PRKCG: variants seen among roughly 807,000 people sequenced by gnomAD.
PRKCG encodes the protein protein kinase C gamma type.
A neutral mutation model predicts 82.0 loss-of-function variants in PRKCG; 28 were observed. The ratio of observed to expected loss-of-function variants is 0.34; its 90% CI spans 0.25 to 0.47. The LOEUF (loss-of-function observed/expected upper bound fraction) is 0.47. PRKCG is among the 20% of genes least tolerant of loss of function. PRKCG has a pLI of 1.00. For missense variants in PRKCG, 640 were observed against 952.7 expected (o/e 0.67, Z 4.32); for synonymous variants, 383 against 376.6 (o/e 1.02, Z -0.20).
intron 3 of PRKCG, among the ~76,000 whole-genome samples, chr19:53,887,157 G>A (rs1391972464): frequency 2.6e-5 from 4 of 151,874 alleles, no homozygotes; most frequent in African/African-American, 9.7e-5. Flanking sequence ...CTGCAGTCTT[G>A]ACCTCCGGGG....
At position 53,884,074 on chromosome 19, in the gene PRKCG, C is replaced by T; in HGVS notation, c.203-87C>T. ...TGGTTTTCTCAGTGTCCGAGTTCCG[C>T]TCTCTCTTTCCAATTTTCTGTCTGC... On this transcript the variant is annotated intron_variant, in intron 2 of 17. Coordinates refer to ENST00000263431, the MANE Select transcript of PRKCG (RefSeq NM_002739.5). The surrounding 1 kb of genome is among the most constrained non-coding windows in gnomAD (Gnocchi z 4.6). 2 of 1,316,362 alleles carry T rather than the reference C, an allele frequency of 1.5e-6. No homozygotes were observed. Among genetic ancestry groups the T allele is most frequent in the South Asian group, 2.4e-5 (2 of 84,674 alleles). The allele number at this position is 1,316,362 out of a possible 1,614,324, so 81.5% of individuals were successfully genotyped here.
Position 53,892,758 on chromosome 19 carries a change from ACACACACACACACACACACACACG to A in PRKCG, c.821+125_821+148del. On this transcript the variant is annotated intron_variant, in intron 7 of 17. Coordinates refer to ENST00000263431, the MANE Select transcript of PRKCG (RefSeq NM_002739.5). This position sits in a 1 kb window ranked among gnomAD's most constrained non-coding sequence, Gnocchi z 5.9. ...CCTCTGCCTCCCAGCATGCGCACAC[ACACACACACACACACACACACACG>A]CACACACACGCACACACCCCTCTCT... 1 of 1,114,666 alleles carries A rather than the reference ACACACACACACACACACACACACG, an allele frequency of 9.0e-7. No individual in the cohort carries two copies. 69.0% of individuals were successfully genotyped at this position (1,114,666 alleles called of 1,614,324 possible).
At chr19:53,881,691 G>C (rs1393046632), upstream of PRKCG, 1 of 152,534 alleles carries the variant, frequency 6.6e-6, no homozygotes, top group Non-Finnish European at 1.5e-5. Context: ...GATCCACTGA[G>C]AGGCAGAAAC....
chr19:53,898,949 G>T (rs1599950460), intron 11 of PRKCG, among the ~76,000 whole-genome samples: 2 of 124,046 alleles, frequency 1.6e-5, no homozygotes, highest in South Asian at 3.0e-4. Flanking sequence ...TCTTCGCGGG[G>T]CGTGGTCAGG....
At position 53,898,240 on chromosome 19, in the gene PRKCG, C is replaced by T. The variant is rs118050662; in HGVS notation, c.1092+129C>T. On this transcript the variant is annotated intron_variant, in intron 10 of 17. Coordinates refer to ENST00000263431, the MANE Select transcript of PRKCG (RefSeq NM_002739.5). ...ATCTTCAAATATGGTTAGGTTGGGCCGTTCAGGTTCCTGGAGAGGAGAGGT... is the reference window on the plus strand; with the variant it reads ...ATCTTCAAATATGGTTAGGTTGGGCTGTTCAGGTTCCTGGAGAGGAGAGGT... 22,469 of 1,437,440 alleles carry T rather than the reference C, an allele frequency of 0.016. 224 individuals carry two copies. The highest frequency in any genetic ancestry group is 0.019 in the Non-Finnish European group (19,792 of 1,044,188). The allele number at this position is 1,437,440 out of a possible 1,614,324, so 89.0% of individuals were successfully genotyped here.
chr19:53,905,406 C>A, intron 16 of PRKCG, among the ~76,000 whole-genome samples: 1 of 151,542 alleles, frequency 6.6e-6, no homozygotes, highest in African/African-American at 2.4e-5. Flanking sequence ...ATCTCACCCT[C>A]CTCTCCTGCT....
Position 53,893,356 on chromosome 19 carries a change from T to A in PRKCG, c.910-6T>A. ...GGACCCTGACTCTCTCTTTCTTTTC[T>A]CCCAGGCTTGTAACTACCCCCTGGA... On this transcript the variant is annotated splice_polypyrimidine_tract_variant and splice_region_variant and intron_variant, in intron 8 of 17. Transcript: ENST00000263431. The A allele has an allele frequency of 1.2e-6, 2 of 1,613,414 alleles. No individual in the cohort carries two copies. The highest frequency in any genetic ancestry group is 1.7e-6 in the Non-Finnish European group (2 of 1,179,330).
chr19:53,902,851 C>T (rs2068773598), intron 14 of PRKCG, among the ~76,000 whole-genome samples: 1 of 127,096 alleles, frequency 7.9e-6, no homozygotes, highest in South Asian at 2.6e-4. Flanking sequence ...CGTGATCACA[C>T]TACTGTGCTC....
chr19:53,898,030 C>T lies in PRKCG; in HGVS notation c.1011C>T (p.Cys337=), dbSNP rs1183067327. ...PSPSPTDPKR[C]FFGASPGRLH... ...CTAGTCCCACCGACCCCAAGCGCTG[C>T]TTCTTCGGGGCGAGTCCAGGACGCC... Residue 337 remains cysteine, a synonymous_variant, in exon 10 of 18, where the codon TGC becomes TGT. Coordinates refer to ENST00000263431, the MANE Select transcript of PRKCG (RefSeq NM_002739.5). 1.2e-6 allele frequency: 2 copies of T among 1,614,154 alleles called. No individual in the cohort carries two copies. The highest frequency in any genetic ancestry group is 1.7e-6 in the Non-Finnish European group (2 of 1,180,022).
intron 16 of PRKCG, among the ~76,000 whole-genome samples, chr19:53,905,319 A>G (rs1352848616): frequency 6.6e-6 from 1 of 150,534 alleles, no homozygotes; most frequent in Non-Finnish European, 1.5e-5. Context: ...CTCTGTCTAC[A>G]CTTTTGGGCC....
chr19:53,891,837 C>A lies in PRKCG; in HGVS notation c.686+7C>A. ...GGAATGAGACCTTTGTGTTGTGAGT[C>A]TGGGGTGCAGGGAAGGCAATGACAG... On this transcript the variant is annotated splice_region_variant and intron_variant, in intron 6 of 17. Coordinates refer to ENST00000263431, the MANE Select transcript of PRKCG (RefSeq NM_002739.5). 1 of 1,613,916 alleles carries A rather than the reference C, an allele frequency of 6.2e-7. No homozygotes were observed. The highest frequency in any genetic ancestry group is 1.1e-5 in the South Asian group (1 of 91,066).
chr19:53,884,444 G>A lies in PRKCG; in HGVS notation c.285+201G>A, dbSNP rs1375617414. 1.3e-5 allele frequency among the ~76,000 whole-genome samples: 2 copies of A among 152,170 alleles called. No homozygotes were observed. The highest frequency in any genetic ancestry group is 1.9e-4 in the East Asian group (1 of 5,190). On this transcript the variant is annotated intron_variant, in intron 3 of 17. Coordinates refer to ENST00000263431, the MANE Select transcript of PRKCG (RefSeq NM_002739.5). The surrounding 1 kb of genome is among the most constrained non-coding windows in gnomAD (Gnocchi z 4.6). ...AGGGGGACTGACAGGCTGGGGACACGGGTGGGGCACAGAGAGGAGGCCGGG... is the reference window on the plus strand; with the variant it reads ...AGGGGGACTGACAGGCTGGGGACACAGGTGGGGCACAGAGAGGAGGCCGGG...
Position 53,902,890 on chromosome 19 carries a change from C to CAAAAA in PRKCG, c.1576-161_1576-157dup, listed in dbSNP as rs56955659. 3.1e-3 allele frequency among the ~76,000 whole-genome samples: 61 copies of CAAAAA among 19,972 alleles called. 3 individuals are homozygous for CAAAAA. The highest frequency in any genetic ancestry group is 8.3e-3 in the African/African-American group (60 of 7,260). 13.1% of individuals were successfully genotyped at this position (19,972 alleles called of 152,430 possible). A position where few individuals can be genotyped will look rare whatever the true frequency, so the allele number is the denominator to read the frequency against. On this transcript the variant is annotated intron_variant, in intron 14 of 17. Coordinates refer to ENST00000263431, the MANE Select transcript of PRKCG (RefSeq NM_002739.5). ...CCTGGGCAACAGAGTGAGACCCTGT[C>CAAAAA]AAAAAAAAAAAAAAAAAAAAAAAAA... is the stretch of plus-strand genomic sequence containing the variant.
chr19:53,906,077 TCCTC>T (rs2068805318), intron 16 of PRKCG, among the ~76,000 whole-genome samples: 2 of 71,282 alleles, frequency 2.8e-5, no homozygotes, highest in East Asian at 7.4e-4. Flanking sequence ...CTCCTCCTCC[TCCTC>T]CTCCTTCTTC....
chr19:53,896,512 C>T (rs540909377), intron 9 of PRKCG, among the ~76,000 whole-genome samples: 2 of 152,116 alleles, frequency 1.3e-5, no homozygotes, highest in South Asian at 2.1e-4. Flanking sequence ...CTCTGCCTCC[C>T]GGGTTCAAGC....
In PRKCG at chr19:53,906,353, G is replaced by A. The variant is rs1447790637; in HGVS notation, c.1801G>A (p.Gly601Arg). The A allele has an allele frequency of 5.2e-6, 8 of 1,552,426 alleles. No individual in the cohort carries two copies. Among genetic ancestry groups the A allele is most frequent in the South Asian group, 1.2e-5 (1 of 84,148 alleles). Reference sequence around the variant, plus strand: ...GCACCCAGGGAAGCGCCTGGGCTCAGGGCCTGATGGGGAACCTACCATCCG... The same window carrying A: ...GCACCCAGGGAAGCGCCTGGGCTCAAGGCCTGATGGGGAACCTACCATCCG... Reference protein sequence around the residue: ...TKHPGKRLGSGPDGEPTIRAH... With the variant: ...TKHPGKRLGSRPDGEPTIRAH... Residue 601 changes from glycine (G) to arginine (R), a missense_variant, in exon 17 of 18, where the codon GGG (glycine) becomes AGG (arginine). By Grantham distance (125) the Gly-to-Arg change is moderately radical. Around this residue, in one of 7 missense-constraint regions of PRKCG, gnomAD observed 198 missense variants for 273.4 expected, o/e 0.72. Transcript: ENST00000263431.
chr19:53,892,815 C>G lies in PRKCG; in HGVS notation c.821+172C>G, dbSNP rs1031502876. Among the ~76,000 whole-genome samples, 2 of 150,922 alleles carry G rather than the reference C, an allele frequency of 1.3e-5. No homozygotes were observed. The highest frequency in any genetic ancestry group is 4.9e-5 in the African/African-American group (2 of 40,902). On this transcript the variant is annotated intron_variant, in intron 7 of 17. Coordinates refer to ENST00000263431, the MANE Select transcript of PRKCG (RefSeq NM_002739.5). This position sits in a 1 kb window ranked among gnomAD's most constrained non-coding sequence, Gnocchi z 5.9. ...ACGCACACACCCCTCTCTCTCTATT[C>G]TTCTCTTCTTCTCCCCTCCCTTTCT...
chr19:53,888,420 CT>C (rs2068647915), intron 3 of PRKCG, among the ~76,000 whole-genome samples: 1 of 152,248 alleles, frequency 6.6e-6, no homozygotes, highest in Middle Eastern at 3.4e-3. Flanking sequence ...CACTGATGAC[CT>C]GCATTCTTGC....
At chr19:53,895,506 AAAG>A in intron 9 of PRKCG, among the ~76,000 whole-genome samples, 1 of 151,568 alleles carries the variant, frequency 6.6e-6, no homozygotes, top group Non-Finnish European at 1.5e-5. Context: ...AAAAAAAAAA[AAAG>A]AAGACAAGAA....
Sources: gnomAD v4.1 joint callset for allele counts (sites outside exome capture counted in the v4.1 genomes callset) on GRCh38, gnomAD v4.1.1 for gene constraint, gnomAD v4.1.1 regional missense constraint, Gnocchi (gnomAD v3.1) non-coding constraint, MANE v1.5 for transcripts, NCBI Gene and HGNC (gene_info 2026-07-23, HGNC 2026-07-21) for gene names.